NFIA: variants seen among roughly 807,000 people sequenced by gnomAD.
NFIA encodes nuclear factor I A.
In NFIA, 8 loss-of-function variants were observed where a neutral mutation model predicts 62.8. The ratio of observed to expected loss-of-function variants is 0.13; its 90% CI spans 0.07 to 0.23. The LOEUF (loss-of-function observed/expected upper bound fraction) is 0.23. Among genes scored for constraint, NFIA ranks in the 10% least tolerant of loss-of-function variants. The pLI, the probability that NFIA is intolerant of heterozygous loss-of-function variation, is 1.00. For synonymous variants in NFIA, 235 were observed against 238.1 expected, an observed-to-expected ratio of 0.99 and a Z score of 0.12; for missense variants, 410 against 642.1, an observed-to-expected ratio of 0.64 and a Z score of 3.91.
At position 61,128,915 on chromosome 1, in the gene NFIA, G is replaced by GTTTTTTTTTTTTT. The variant is rs10635152; in HGVS notation, c.559+40248_559+40260dup. Among the ~76,000 whole-genome samples the GTTTTTTTTTTTTT allele has an allele frequency of 2.0e-4, 15 of 74,124 alleles. 1 individual carries two copies. Among genetic ancestry groups the GTTTTTTTTTTTTT allele is most frequent in the South Asian group, 6.6e-4 (1 of 1,518 alleles). The allele number at this position is 74,124 out of a possible 152,430, so 48.6% of individuals were successfully genotyped here. On this transcript the variant is annotated intron_variant, in intron 2 of 10. Transcript: ENST00000403491. ...CCAGCCAATGGTGATGCTTACTTAT[G>GTTTTTTTTTTTTT]TTTTTTTTTTTTTTTTTTTTTTTTT...
At chr1:61,362,656 A>G (rs1476591754) in intron 6 of NFIA, among the ~76,000 whole-genome samples, 1 of 152,200 alleles carries the variant, frequency 6.6e-6, no homozygotes, top group Non-Finnish European at 1.5e-5. Flanking sequence ...TTTAGTGCAC[A>G]GCTCTTATTA....
At position 61,309,825 on chromosome 1, in the gene NFIA, G is replaced by C. The variant is rs531791510; in HGVS notation, c.626-22687G>C. On this transcript the variant is annotated intron_variant, in intron 3 of 10. Coordinates refer to ENST00000403491, the MANE Select transcript of NFIA (RefSeq NM_001134673.4). Reference sequence around the variant, plus strand: ...AATTGCTTGAACCCAGGAGGCGGAGGTTGCAGTGAGCCGAGATTGCACCAC... The same window carrying C: ...AATTGCTTGAACCCAGGAGGCGGAGCTTGCAGTGAGCCGAGATTGCACCAC... Among the ~76,000 whole-genome samples the C allele has an allele frequency of 2.7e-3, 407 of 152,278 alleles. 1 individual carries two copies. The highest frequency in any genetic ancestry group is 9.1e-3 in the African/African-American group (378 of 41,542).
At chr1:61,183,810 C>T (rs1570331754) in intron 2 of NFIA, among the ~76,000 whole-genome samples, 2 of 152,112 alleles carry the variant, frequency 1.3e-5, no homozygotes, top group African/African-American at 4.8e-5. Context: ...CTTTTTTTCC[C>T]CTTCCCTTTC....
At chr1:61,172,846 G>A (rs1013129078) in intron 2 of NFIA, among the ~76,000 whole-genome samples, 17 of 152,260 alleles carry the variant, frequency 1.1e-4, no homozygotes, top group South Asian at 4.1e-4. Flanking sequence ...AACATAACTC[G>A]ACAATCTAGC....
intron 3 of NFIA, among the ~76,000 whole-genome samples, chr1:61,311,405 A>T (rs1047537013): frequency 2.0e-5 from 2 of 98,016 alleles, no homozygotes; most frequent in Non-Finnish European, 2.4e-5. Context: ...AAAACAAAAA[A>T]CAAACAAAAA....
At chr1:61,364,487 A>G (rs138752029) in intron 6 of NFIA, among the ~76,000 whole-genome samples, 169 of 152,266 alleles carry the variant, frequency 1.1e-3, no homozygotes, top group African/African-American at 3.9e-3. Context: ...GGTGTTTACT[A>G]CACTTTCAAT....
chr1:61,088,735 T>C lies in NFIA; in HGVS notation c.559+55T>C. On this transcript the variant is annotated intron_variant, in intron 2 of 10. Transcript: ENST00000403491. This position sits in a 1 kb window ranked among gnomAD's most constrained non-coding sequence, Gnocchi z 4.5. ...TTTCTTGTGTGTGTTTCTTTCCTGA[T>C]GGCCTCCGCGTTATGCCGGATTCTT... 6.4e-7 allele frequency: 1 copy of C among 1,553,282 alleles called. No homozygotes were observed. The highest frequency in any genetic ancestry group is 8.7e-7 in the Non-Finnish European group (1 of 1,151,970).
At chr1:61,208,071 C>T (rs1226934088) in intron 2 of NFIA, among the ~76,000 whole-genome samples, 1 of 145,244 alleles carries the variant, frequency 6.9e-6, no homozygotes, top group Non-Finnish European at 1.5e-5. Flanking sequence ...AAAGTGAGAA[C>T]TCCCAGTAGA....
chr1:61,197,299 C>T (rs979075553), intron 2 of NFIA, among the ~76,000 whole-genome samples: 5 of 130,710 alleles, frequency 3.8e-5, no homozygotes, highest in Admixed American at 1.8e-4. Flanking sequence ...TGTGCAGTGG[C>T]GTGATCTCGG....
chr1:61,155,197 A>C (rs1239432031), intron 2 of NFIA, among the ~76,000 whole-genome samples: 1 of 152,208 alleles, frequency 6.6e-6, no homozygotes, highest in African/African-American at 2.4e-5. Flanking sequence ...ATATAATTGA[A>C]ATATATTTCT....
intron 2 of NFIA, among the ~76,000 whole-genome samples, chr1:61,244,109 A>T (rs545380126): frequency 6.6e-6 from 1 of 152,320 alleles, no homozygotes; most frequent in African/African-American, 2.4e-5. Context: ...TATAAAATTT[A>T]CTTTCTATAT....
chr1:61,452,367 T>C (rs1350871720), intron 10 of NFIA, among the ~76,000 whole-genome samples: 1 of 152,126 alleles, frequency 6.6e-6, no homozygotes, highest in Admixed American at 6.5e-5. Flanking sequence ...CCTAACCAAC[T>C]TCCTGTTCTG....
At chr1:61,192,125 A>AT (rs1157575670) in intron 2 of NFIA, among the ~76,000 whole-genome samples, 9 of 151,836 alleles carry the variant, frequency 5.9e-5, no homozygotes, top group African/African-American at 2.2e-4. Flanking sequence ...CACCTGGCTA[A>AT]TTTTTTGTAT....
At chr1:61,357,556 C>G (rs1472430862) in intron 5 of NFIA, among the ~76,000 whole-genome samples, 1 of 152,182 alleles carries the variant, frequency 6.6e-6, no homozygotes, top group Non-Finnish European at 1.5e-5. Flanking sequence ...GAAGATAGCT[C>G]AGGAGCCATT....
chr1:61,283,642 G>A (rs940446032), intron 3 of NFIA, among the ~76,000 whole-genome samples: 1 of 148,870 alleles, frequency 6.7e-6, no homozygotes, highest in African/African-American at 2.5e-5. Context: ...GTAATTTGGG[G>A]CTGAGAAGAG....
chr1:61,300,912 G>T (rs1232730884), intron 3 of NFIA, among the ~76,000 whole-genome samples: 1 of 151,976 alleles, frequency 6.6e-6, no homozygotes, highest in African/African-American at 2.4e-5. Context: ...AATTAAAGTA[G>T]AAAGGTAAAA....
At chr1:61,400,328 G>A (rs1356214837) in intron 7 of NFIA, among the ~76,000 whole-genome samples, 1 of 152,138 alleles carries the variant, frequency 6.6e-6, no homozygotes, top group Non-Finnish European at 1.5e-5. Flanking sequence ...CCAAACAGTT[G>A]TTTTAAACAA....
chr1:61,302,141 G>C (rs1659527548), intron 3 of NFIA, among the ~76,000 whole-genome samples: 1 of 152,140 alleles, frequency 6.6e-6, no homozygotes, highest in South Asian at 2.1e-4. Context: ...TTTTGACCTT[G>C]TTCATTCATA....
intron 2 of NFIA, among the ~76,000 whole-genome samples, chr1:61,193,774 CTTTTTCCT>C (rs1651807259): frequency 1.3e-5 from 2 of 152,186 alleles, no homozygotes; most frequent in Admixed American, 6.5e-5. Flanking sequence ...AATATGACCA[CTTTTTCCT>C]TTTAACATTT....
Sources: allele counts gnomAD v4.1 joint callset (sites outside exome capture counted in the v4.1 genomes callset), GRCh38; gene constraint gnomAD v4.1.1; non-coding constraint Gnocchi (gnomAD v3.1); transcripts MANE v1.5; gene names NCBI Gene and HGNC (gene_info 2026-07-23, HGNC 2026-07-21).